SLC22A2: variants seen among roughly 807,000 people sequenced by gnomAD.
SLC22A2 encodes solute carrier family 22 member 2.
A neutral mutation model predicts 60.5 loss-of-function variants in SLC22A2; 46 were observed. The observed-to-expected ratio is 0.76, with a 90% CI of 0.60 to 0.97. The LOEUF is 0.97. Among genes scored for constraint, SLC22A2 ranks in the 50% least tolerant of loss-of-function variants. The probability of loss-of-function intolerance (pLI) is 0.00; values close to 1 mark genes in which losing one functional copy is unlikely to be tolerated. For missense variants in SLC22A2, 701 were observed against 706.6 expected (o/e 0.99, Z 0.09); for synonymous variants, 303 against 267.0 (o/e 1.13, Z -1.31).
chr6:160,249,142 G>T, intron 4 of SLC22A2, 74 bp downstream of exon 4: 2 of 980,774 alleles, frequency 2.0e-6, no homozygotes, highest in Non-Finnish European at 3.1e-6. Context: ...AAGATAGTGT[G>T]CATTAAGGAA....
intron 9 of SLC22A2, among the ~76,000 whole-genome samples, chr6:160,231,817 C>G: frequency 6.6e-6 from 1 of 151,906 alleles, no homozygotes; most frequent in East Asian, 1.9e-4. Context: ...GCCCTAAAAG[C>G]TGCTCCTATG....
chr6:160,232,787 C>T (rs539224366), intron 9 of SLC22A2, among the ~76,000 whole-genome samples: 4 of 151,884 alleles, frequency 2.6e-5, no homozygotes, highest in Admixed American at 6.5e-5. Flanking sequence ...AGCATTCCAA[C>T]TTCTATCCCT....
At chr6:160,241,810 A>G (rs1360270233) in intron 8 of SLC22A2, among the ~76,000 whole-genome samples, 10 of 152,258 alleles carry the variant, frequency 6.6e-5, no homozygotes, top group Non-Finnish European at 8.8e-5. Flanking sequence ...AAATAAAAAA[A>G]AAACACCAAA....
In SLC22A2 at chr6:160,249,302, T is replaced by A; in HGVS notation, c.756A>T (p.Leu252=). 6.2e-7 allele frequency: 1 copy of A among 1,613,424 alleles called. No homozygotes were observed. The highest frequency in any genetic ancestry group is 8.5e-7 in the Non-Finnish European group (1 of 1,179,422). ...GAGGAAGTGCGTAAGCCACCCCAGCTAGCACCAGGAGCCCAACTGTATAGG... is the reference window on the plus strand; with the variant it reads ...GAGGAAGTGCGTAAGCCACCCCAGCAAGCACCAGGAGCCCAACTGTATAGG... ...QVAYTVGLLV[L]AGVAYALPHW... The change falls in exon 4 of 11, where the codon CTA becomes CTT. Residue 252 remains leucine, a synonymous_variant. Coordinates refer to ENST00000366953, the MANE Select transcript of SLC22A2 (RefSeq NM_003058.4).
At chr6:160,256,927 G>A (rs1164220515) in intron 1 of SLC22A2, among the ~76,000 whole-genome samples, 1 of 148,164 alleles carries the variant, frequency 6.7e-6, no homozygotes, top group Admixed American at 6.7e-5. Context: ...TTGTGAGACA[G>A]GGTCTTGCTC....
At chr6:160,240,202 G>A (rs1465125957) in intron 9 of SLC22A2, among the ~76,000 whole-genome samples, 1 of 152,184 alleles carries the variant, frequency 6.6e-6, no homozygotes, top group South Asian at 2.1e-4. Context: ...GGCAGGTAGG[G>A]AGAGGGGCAG....
At chr6:160,244,351 T>C (rs1465646872) in intron 6 of SLC22A2, 1 of 153,420 alleles carries the variant, frequency 6.5e-6, no homozygotes, top group African/African-American at 2.4e-5. Context: ...AATGCTGGGA[T>C]TCCAGGTGTG....
chr6:160,234,816 T>C (rs970079264), intron 9 of SLC22A2, among the ~76,000 whole-genome samples: 9 of 152,244 alleles, frequency 5.9e-5, no homozygotes, highest in Non-Finnish European at 1.2e-4. Context: ...GCTCAATAGC[T>C]AAGGCTTCAC....
At chr6:160,246,547 G>C (rs752904401) in intron 5 of SLC22A2, among the ~76,000 whole-genome samples, 4 of 152,082 alleles carry the variant, frequency 2.6e-5, no homozygotes, top group Non-Finnish European at 4.4e-5. Context: ...AGGAGTTCGA[G>C]ATCAGCCTAG....
chr6:160,242,328 G>C lies in SLC22A2; in HGVS notation c.1354C>G (p.Leu452Val). The C allele has an allele frequency of 6.2e-7, 1 of 1,607,690 alleles. No homozygotes were observed. Reference protein sequence around the residue: ...GITMAYEIVCLVNAELYPTFI... With the variant: ...GITMAYEIVCVVNAELYPTFI... ...GTGGGGTACAGCTCAGCATTGACCA[G>C]GCAGACTATCTCATAGGCCATTGTG... The change falls in exon 8 of 11, where the codon CTG becomes GTG. Residue 452 changes from leucine to valine, a missense_variant. Physicochemically the swap from Leu to Val is conservative, Grantham distance 32 (BLOSUM62 1). Transcript: ENST00000366953.
At chr6:160,252,183 T>A (rs541503510) in intron 2 of SLC22A2, among the ~76,000 whole-genome samples, 1 of 152,162 alleles carries the variant, frequency 6.6e-6, no homozygotes, top group Non-Finnish European at 1.5e-5. Flanking sequence ...TCAACTTAAT[T>A]TTTTAGCATT....
intron 10 of SLC22A2, 144 bp from the exon 11 acceptor site, chr6:160,217,642 G>A (rs1782562371): frequency 1.7e-6 from 1 of 576,316 alleles, no homozygotes; most frequent in East Asian, 2.9e-5. Context: ...TCTGAGTGGT[G>A]GTTCTCACAA....
chr6:160,217,773 A>G, intron 10 of SLC22A2: 1 of 288,270 alleles, frequency 3.5e-6, no homozygotes, highest in South Asian at 8.2e-5. Flanking sequence ...TCTCTGTAAT[A>G]GAGAATGTGG....
intron 5 of SLC22A2, among the ~76,000 whole-genome samples, chr6:160,246,733 T>G (rs989508968): frequency 4.6e-5 from 7 of 151,786 alleles, no homozygotes; most frequent in African/African-American, 1.7e-4. Flanking sequence ...GGTGACAGAG[T>G]AAGACTCCAT....
chr6:160,255,430 G>A (rs561208363), intron 2 of SLC22A2, among the ~76,000 whole-genome samples: 1 of 152,230 alleles, frequency 6.6e-6, no homozygotes, highest in African/African-American at 2.4e-5. Flanking sequence ...CAGAGAAAAT[G>A]TTCTACTTGC....
intron 8 of SLC22A2, among the ~76,000 whole-genome samples, chr6:160,241,879 A>T (rs1271909593): frequency 6.9e-4 from 3 of 4,330 alleles, no homozygotes; most frequent in East Asian, 0.071. Context: ...ACAATATTTT[A>T]TATATATATA....
chr6:160,231,914 G>C lies in SLC22A2; in HGVS notation c.1502-7110C>G, dbSNP rs545915200. Among the ~76,000 whole-genome samples, 60 of 152,032 alleles carry C rather than the reference G, an allele frequency of 3.9e-4. 1 individual carries two copies. Among genetic ancestry groups the C allele is most frequent in the South Asian group, 3.9e-3 (19 of 4,824 alleles). ...GGTCGGAATTCTTATACAAGGACCAGGACTGCGCCCTGTAGCCCTTTTATC... is the reference window on the plus strand; with the variant it reads ...GGTCGGAATTCTTATACAAGGACCACGACTGCGCCCTGTAGCCCTTTTATC... On this transcript the variant is annotated intron_variant, in intron 9 of 10. Transcript: ENST00000366953.
intron 9 of SLC22A2, among the ~76,000 whole-genome samples, chr6:160,225,381 T>C (rs1782707607): frequency 6.6e-6 from 1 of 152,242 alleles, no homozygotes; most frequent in Admixed American, 6.5e-5. Context: ...ATAAAAGTTT[T>C]GATCTTTTAA....
In SLC22A2 at chr6:160,235,630, G is replaced by A. The variant is rs1178156622; in HGVS notation, c.1501+5844C>T. On this transcript the variant is annotated intron_variant, in intron 9 of 10. Transcript: ENST00000366953. ...GAATATATTGGCTAAAGTTAAAGGGGTATCATTCAGTTTTTCCATAAATTG... is the reference window on the plus strand; with the variant it reads ...GAATATATTGGCTAAAGTTAAAGGGATATCATTCAGTTTTTCCATAAATTG... Among the ~76,000 whole-genome samples the A allele has an allele frequency of 1.3e-4, 19 of 150,448 alleles. No individual in the cohort carries two copies. In the Admixed American group the frequency reaches 1.3e-3, roughly 10 times the overall value.
Sources: allele counts gnomAD v4.1 joint callset (sites outside exome capture counted in the v4.1 genomes callset), GRCh38; gene constraint gnomAD v4.1.1; transcripts MANE v1.5; gene names NCBI Gene and HGNC (gene_info 2026-07-23, HGNC 2026-07-21).